CAMTA1: variants seen among roughly 807,000 people sequenced by gnomAD.
The protein encoded by CAMTA1 is calmodulin binding transcription activator 1.
In CAMTA1, 27 loss-of-function variants were observed where a neutral mutation model predicts 170.9. The observed-to-expected ratio is 0.16, with a 90% CI of 0.12 to 0.22. The LOEUF (loss-of-function observed/expected upper bound fraction) is 0.22. Ranked by LOEUF, CAMTA1 falls within the 10% of genes least tolerant of loss-of-function variation. CAMTA1 has a pLI of 1.00. For missense variants in CAMTA1, 1,619 were observed against 2,217.2 expected (o/e 0.73, Z 5.42); for synonymous variants, 833 against 891.5 (o/e 0.93, Z 1.17).
intron 5 of CAMTA1, among the ~76,000 whole-genome samples, chr1:7,390,123 T>A (rs1239118949): frequency 6.6e-6 from 1 of 152,172 alleles, no homozygotes; most frequent in Non-Finnish European, 1.5e-5. Context: ...GGCTGGTTCC[T>A]TCCCACTTCT....
At chr1:7,372,842 G>T (rs1389575747) in intron 5 of CAMTA1, among the ~76,000 whole-genome samples, 1 of 152,194 alleles carries the variant, frequency 6.6e-6, no homozygotes, top group African/African-American at 2.4e-5. Context: ...CAGCCATCTA[G>T]AGCCGCCCGC....
chr1:7,362,997 A>G (rs1056612291), intron 5 of CAMTA1, among the ~76,000 whole-genome samples: 2 of 152,236 alleles, frequency 1.3e-5, no homozygotes, highest in Admixed American at 6.5e-5. Flanking sequence ...GGCAAAGACA[A>G]TTAGTGGAAC....
chr1:7,221,246 G>T (rs2149130154), intron 4 of CAMTA1, among the ~76,000 whole-genome samples: 1 of 150,556 alleles, frequency 6.6e-6, no homozygotes, highest in East Asian at 2.0e-4. Flanking sequence ...TTAATCTTTA[G>T]ACAGAACTCT....
At chr1:7,184,595 A>G (rs1156459342) in intron 4 of CAMTA1, among the ~76,000 whole-genome samples, 1 of 152,174 alleles carries the variant, frequency 6.6e-6, no homozygotes, top group Non-Finnish European at 1.5e-5. Flanking sequence ...AATATAGGAA[A>G]GGTGAGTTAG....
At chr1:6,952,766 G>A (rs375516259) in intron 3 of CAMTA1, among the ~76,000 whole-genome samples, 2 of 152,238 alleles carry the variant, frequency 1.3e-5, no homozygotes, top group East Asian at 1.9e-4. Context: ...TCCAGGAGGC[G>A]GAGGTAGCAG....
At chr1:6,867,766 A>G (rs1364393193) in intron 3 of CAMTA1, among the ~76,000 whole-genome samples, 1 of 152,202 alleles carries the variant, frequency 6.6e-6, no homozygotes, top group Non-Finnish European at 1.5e-5. Context: ...GATTAAAAAT[A>G]ATAAACTTTG....
chr1:7,578,617 T>C (rs1261316208), intron 6 of CAMTA1, among the ~76,000 whole-genome samples: 1 of 152,158 alleles, frequency 6.6e-6, no homozygotes, highest in East Asian at 1.9e-4. Context: ...TTAGTCTGTT[T>C]TGTGCTGCTC....
At chr1:6,995,298 T>TTTTTTTTTTTTTTTTTTTTTTG (rs1697066541) in intron 3 of CAMTA1, among the ~76,000 whole-genome samples, 1 of 94,012 alleles carries the variant, frequency 1.1e-5, no homozygotes, top group African/African-American at 4.9e-5. Context: ...TTCTTTTCTT[T>TTTTTTTTTTTTTTTTTTTTTTG]TTTTTTTTTT....
chr1:7,396,626 G>T (rs1412013505), intron 5 of CAMTA1, among the ~76,000 whole-genome samples: 1 of 152,188 alleles, frequency 6.6e-6, no homozygotes, highest in Non-Finnish European at 1.5e-5. Flanking sequence ...GATGTTAGCT[G>T]TGTGTTTGTC....
At chr1:7,246,670 C>CTTTTTTTTTTTT (rs34382670) in intron 4 of CAMTA1, among the ~76,000 whole-genome samples, 5 of 73,924 alleles carry the variant, frequency 6.8e-5, no homozygotes, top group African/African-American at 1.2e-4. Context: ...CTCTGACCTG[C>CTTTTTTTTTTTT]TTTTTTTTTT....
chr1:7,558,682 G>A (rs148198391), intron 6 of CAMTA1, among the ~76,000 whole-genome samples: 4 of 152,322 alleles, frequency 2.6e-5, no homozygotes, highest in East Asian at 1.9e-4. Context: ...CCCGCTCTGC[G>A]GGTCTGGGGT....
chr1:7,579,628 C>T lies in CAMTA1; in HGVS notation c.511-60772C>T, dbSNP rs145144737. On this transcript the variant is annotated intron_variant, in intron 6 of 22. Transcript: ENST00000303635. ...AGACTGAAGTGCAGTGGCACAATCT[C>T]GGCTCACTGCAACCTCCGCCTCACA... 5.6e-3 allele frequency among the ~76,000 whole-genome samples: 785 copies of T among 141,104 alleles called. 7 individuals are homozygous for T. Among genetic ancestry groups the T allele is most frequent in the African/African-American group, 0.02 (749 of 37,370 alleles). The allele number at this position is 141,104 out of a possible 152,430, so 92.6% of individuals were successfully genotyped here. A position where few individuals can be genotyped will look rare whatever the true frequency, so the allele number is the denominator to read the frequency against.
chr1:7,080,269 T>G (rs1558067325), intron 3 of CAMTA1, among the ~76,000 whole-genome samples: 1 of 150,732 alleles, frequency 6.6e-6, no homozygotes, highest in Non-Finnish European at 1.5e-5. Context: ...AAAAGAAATG[T>G]TTTTTTAATC....
chr1:7,342,390 A>T (rs892002660), intron 5 of CAMTA1, among the ~76,000 whole-genome samples: 1 of 152,136 alleles, frequency 6.6e-6, no homozygotes, highest in African/African-American at 2.4e-5. Flanking sequence ...ATGAGCCATC[A>T]TGGGGGCACA....
chr1:7,163,318 G>C (rs56019349), intron 4 of CAMTA1, among the ~76,000 whole-genome samples: 1,836 of 115,174 alleles, frequency 0.016, 46 homozygotes, highest in African/African-American at 0.057. Flanking sequence ...TCACTGGATG[G>C]GGGGAGACCA....
chr1:7,516,966 T>A (rs2094295628), intron 6 of CAMTA1, among the ~76,000 whole-genome samples: 1 of 152,166 alleles, frequency 6.6e-6, no homozygotes, highest in South Asian at 2.1e-4. Context: ...AGAATGGTAA[T>A]AAAAATCGTG....
At chr1:7,395,462 GA>G (rs1468312416) in intron 5 of CAMTA1, among the ~76,000 whole-genome samples, 3 of 152,024 alleles carry the variant, frequency 2.0e-5, no homozygotes, top group Admixed American at 1.3e-4. Context: ...ATGCTGTTTT[GA>G]TTATTATAGC....
At chr1:7,661,177 C>A (rs894097031) in intron 7 of CAMTA1, among the ~76,000 whole-genome samples, 1 of 152,230 alleles carries the variant, frequency 6.6e-6, no homozygotes, top group Non-Finnish European at 1.5e-5. Context: ...CCTGCATCTG[C>A]ACTCCCTTTG....
chr1:6,967,087 G>A (rs1449844062), intron 3 of CAMTA1, among the ~76,000 whole-genome samples: 1 of 151,628 alleles, frequency 6.6e-6, no homozygotes. Context: ...ACTAAAATAC[G>A]GAAGGTAGCC....
Sources: allele counts gnomAD v4.1 joint callset (sites outside exome capture counted in the v4.1 genomes callset), GRCh38; gene constraint gnomAD v4.1.1; transcripts MANE v1.5; gene names NCBI Gene and HGNC (gene_info 2026-07-23, HGNC 2026-07-21).